Variants in SUV39H2 observed in about 807,000 individuals in gnomAD.
The protein encoded by SUV39H2 is histone-lysine N-methyltransferase SUV39H2.
In SUV39H2, 10 loss-of-function variants were observed where a neutral mutation model predicts 47.5. The observed-to-expected ratio is 0.21, with a 90% CI of 0.13 to 0.36. The LOEUF (loss-of-function observed/expected upper bound fraction) is 0.36, where lower values mean the gene tolerates loss of function less well. Ranked by LOEUF, SUV39H2 falls within the 10% of genes least tolerant of loss-of-function variation. The pLI is 1.00. For synonymous variants in SUV39H2, 159 were observed against 166.8 expected, an observed-to-expected ratio of 0.95 and a Z score of 0.36; for missense variants, 266 against 487.4, an observed-to-expected ratio of 0.55 and a Z score of 4.28.
At chr10:14,895,606 C>T (rs945564202) in intron 2 of SUV39H2, among the ~76,000 whole-genome samples, 1 of 152,168 alleles carries the variant, frequency 6.6e-6, no homozygotes, top group African/African-American at 2.4e-5. Flanking sequence ...CAACAACAGT[C>T]TGAGGGATAG....
chr10:14,881,309 A>G (rs1833035157), intron 1 of SUV39H2, among the ~76,000 whole-genome samples, 191 bp from the exon 2 acceptor site: 1 of 152,220 alleles, frequency 6.6e-6, no homozygotes, highest in South Asian at 2.1e-4. Context: ...AAAATCCAAG[A>G]ACACCAATTT....
At chr10:14,893,038 T>A (rs1833443581) in intron 2 of SUV39H2, among the ~76,000 whole-genome samples, 1 of 144,872 alleles carries the variant, frequency 6.9e-6, no homozygotes, top group Non-Finnish European at 1.5e-5. Context: ...GGAGTCTCGC[T>A]GTCGCCCAGG....
At chr10:14,900,554 A>G (rs1311331608) in intron 4 of SUV39H2, among the ~76,000 whole-genome samples, 1 of 152,180 alleles carries the variant, frequency 6.6e-6, no homozygotes, top group African/African-American at 2.4e-5. Context: ...CAAAATAGAG[A>G]TATTCTATCC....
intron 4 of SUV39H2, among the ~76,000 whole-genome samples, chr10:14,899,894 G>T (rs140753754): frequency 0.011 from 1,612 of 152,218 alleles, 32 homozygotes; most frequent in African/African-American, 0.037. Flanking sequence ...TATTAATAGG[G>T]TGTATTTTAC....
intron 2 of SUV39H2, among the ~76,000 whole-genome samples, chr10:14,892,447 C>A (rs746575872): frequency 6.6e-6 from 1 of 152,148 alleles, no homozygotes; most frequent in Non-Finnish European, 1.5e-5. Context: ...CTAGACAGAT[C>A]CATCTTTTCA....
chr10:14,898,001 A>G (rs1833708049), intron 3 of SUV39H2: 1 of 151,868 alleles, frequency 6.6e-6, no homozygotes, highest in African/African-American at 2.4e-5. Flanking sequence ...TGCATCCATA[A>G]TCTGTAACTT....
chr10:14,895,844 C>T (rs1833567836), intron 2 of SUV39H2, among the ~76,000 whole-genome samples: 1 of 151,726 alleles, frequency 6.6e-6, no homozygotes, highest in Non-Finnish European at 1.5e-5. Flanking sequence ...ATTATTTCAA[C>T]CTGTAATAGT....
intron 2 of SUV39H2, among the ~76,000 whole-genome samples, chr10:14,887,650 A>C (rs567005279): frequency 1.3e-5 from 2 of 152,316 alleles, no homozygotes; most frequent in African/African-American, 4.8e-5. Flanking sequence ...AACTCAGCCA[A>C]TATTTACTGG....
Position 14,897,232 on chromosome 10 carries a change from C to G in SUV39H2, c.564C>G (p.Thr188=). The change falls in exon 3 of 6, where the codon ACC becomes ACG. Residue 188 remains threonine (T), a synonymous_variant. Coordinates refer to ENST00000354919, the MANE Select transcript of SUV39H2 (RefSeq NM_001193424.2). The stretch of plus-strand genomic sequence containing the variant: ...GAATCAGCTTAGTCAATGAAGCTAC[C>G]TTTGGTTGTTCATGCACAGATTGCT... ...APGISLVNEA[T]FGCSCTDCFF... is the part of the protein sequence containing the mutation. 1 of 1,613,892 alleles carries G rather than the reference C, an allele frequency of 6.2e-7. No individual in the cohort carries two copies. Among genetic ancestry groups the G allele is most frequent in the Non-Finnish European group, 8.5e-7 (1 of 1,180,036 alleles).
intron 2 of SUV39H2, among the ~76,000 whole-genome samples, chr10:14,886,765 A>G (rs547623996): frequency 6.6e-6 from 1 of 152,262 alleles, no homozygotes. Context: ...CTCACAGCCT[A>G]GTGAGAAAGT....
intron 2 of SUV39H2, among the ~76,000 whole-genome samples, chr10:14,895,488 T>C (rs1479025472): frequency 6.6e-6 from 1 of 152,162 alleles, no homozygotes; most frequent in Non-Finnish European, 1.5e-5. Context: ...AACTGCCTTT[T>C]TAAAAAGAAA....
At chr10:14,890,942 C>T (rs191034373) in intron 2 of SUV39H2, among the ~76,000 whole-genome samples, 1 of 152,258 alleles carries the variant, frequency 6.6e-6, no homozygotes, top group East Asian at 1.9e-4. Flanking sequence ...TTTGGTACTC[C>T]TATTTTTTTG....
intron 2 of SUV39H2, among the ~76,000 whole-genome samples, chr10:14,884,592 C>T (rs1053423640): frequency 6.6e-6 from 1 of 152,150 alleles, no homozygotes; most frequent in African/African-American, 2.4e-5. Context: ...AATTTTCTCC[C>T]ATTCTGTGAG....
rs150718410 is a variant in SUV39H2, at chr10:14,889,420, A to G, written c.178-7426A>G. On this transcript the variant is annotated intron_variant, in intron 2 of 5. Transcript: ENST00000354919. The stretch of plus-strand genomic sequence containing the variant: ...AGATTCCCTACATATACAAAAGTTT[A>G]TATCTCAGAGGAGGTTTAGTTTTAT... 8.8e-3 allele frequency among the ~76,000 whole-genome samples: 1,341 copies of G among 152,334 alleles called. 19 individuals are homozygous for G. Among genetic ancestry groups the G allele is most frequent in the African/African-American group, 0.03 (1,262 of 41,568 alleles).
At chr10:14,887,064 G>A (rs968206683) in intron 2 of SUV39H2, among the ~76,000 whole-genome samples, 6 of 152,182 alleles carry the variant, frequency 3.9e-5, no homozygotes, top group African/African-American at 9.7e-5. Flanking sequence ...GACACATCAG[G>A]TTTGTAATTG....
chr10:14,891,272 T>C (rs989075259), intron 2 of SUV39H2, among the ~76,000 whole-genome samples: 5 of 152,178 alleles, frequency 3.3e-5, no homozygotes, highest in East Asian at 1.9e-4. Context: ...AAGTTGTTCA[T>C]TGTGGCCAGT....
chr10:14,900,657 T>G (rs1440889850), intron 4 of SUV39H2, among the ~76,000 whole-genome samples: 1 of 152,208 alleles, frequency 6.6e-6, no homozygotes, highest in Non-Finnish European at 1.5e-5. Flanking sequence ...CTCAAAACAT[T>G]GAAGAGTTTG....
At chr10:14,891,853 C>T (rs943507019) in intron 2 of SUV39H2, among the ~76,000 whole-genome samples, 2 of 152,186 alleles carry the variant, frequency 1.3e-5, no homozygotes, top group African/African-American at 4.8e-5. Context: ...GGAGAGTCAT[C>T]AGCATATAAT....
intron 1 of SUV39H2, chr10:14,879,234 C>G (rs1832966690): frequency 2.9e-6 from 2 of 679,912 alleles, no homozygotes; most frequent in South Asian, 7.1e-5. Context: ...GCTTCGAGGC[C>G]GCTCCCCGGC....
Sources: gnomAD v4.1 joint callset for allele counts (sites outside exome capture counted in the v4.1 genomes callset) on GRCh38, gnomAD v4.1.1 for gene constraint, MANE v1.5 for transcripts, NCBI Gene and HGNC (gene_info 2026-07-23, HGNC 2026-07-21) for gene names.